MED12L: variants seen among roughly 807,000 people sequenced by gnomAD.
MED12L encodes the protein mediator complex subunit 12L.
In MED12L, 60 loss-of-function variants were observed where a neutral mutation model predicts 281.3. That is an observed-to-expected ratio of 0.21 (90% CI 0.17 to 0.26). The LOEUF is 0.26. MED12L is among the 10% of genes least tolerant of loss of function. The probability of loss-of-function intolerance (pLI) is 1.00; values close to 1 mark genes in which losing one functional copy is unlikely to be tolerated. For synonymous variants in MED12L, 974 were observed against 987.2 expected (o/e 0.99, Z 0.25); for missense variants, 2,146 against 2,680.9 (o/e 0.80, Z 4.41).
At chr3:151,209,493 A>G (rs765287266) in intron 16 of MED12L, among the ~76,000 whole-genome samples, 8 of 152,188 alleles carry the variant, frequency 5.3e-5, no homozygotes, top group African/African-American at 1.7e-4. Flanking sequence ...GGTAATCCAC[A>G]TGCCATTAGA....
chr3:151,176,953 C>T (rs1722123953), intron 11 of MED12L, among the ~76,000 whole-genome samples: 1 of 152,206 alleles, frequency 6.6e-6, no homozygotes, highest in Admixed American at 6.5e-5. Context: ...AACAGTCGAA[C>T]CTACTCTACA....
intron 5 of MED12L, among the ~76,000 whole-genome samples, chr3:151,150,102 A>G (rs999626137): frequency 1.3e-4 from 20 of 152,350 alleles, no homozygotes; most frequent in Admixed American, 9.8e-4. Flanking sequence ...CTAGAATGGT[A>G]AATCCTTTCC....
rs1419857080 is a variant in MED12L at position 151,435,153 on chromosome 3, T to C, written c.*2349T>C. The C allele has an allele frequency of 6.6e-6, 1 of 151,436 alleles. No individual in the cohort carries two copies. The highest frequency in any genetic ancestry group is 1.9e-4 in the East Asian group (1 of 5,134). 9.4% of individuals were successfully genotyped at this position (151,436 alleles called of 1,614,324 possible). Reference sequence around the variant, plus strand: ...AAAGCCCTGTGGCAGAACCTGGTACTTTACCTTACCAGAGGAAATTACCTT... The same window carrying C: ...AAAGCCCTGTGGCAGAACCTGGTACCTTACCTTACCAGAGGAAATTACCTT... On this transcript the variant is annotated 3_prime_UTR_variant, in exon 45 of 45. Coordinates refer to ENST00000687756, the MANE Select transcript of MED12L (RefSeq NM_001393769.1).
chr3:151,182,201 A>C (rs1181399543), intron 11 of MED12L, among the ~76,000 whole-genome samples: 1 of 152,152 alleles, frequency 6.6e-6, no homozygotes, highest in Non-Finnish European at 1.5e-5. Flanking sequence ...AGATGTTATA[A>C]CAGTGCTTCC....
chr3:151,304,449 C>T (rs1287254455), intron 16 of MED12L, among the ~76,000 whole-genome samples: 1 of 152,102 alleles, frequency 6.6e-6, no homozygotes, highest in Non-Finnish European at 1.5e-5. Flanking sequence ...CAGCGTGCAC[C>T]TGTGGTCCCA....
At chr3:151,270,480 T>C (rs76976310) in intron 16 of MED12L, among the ~76,000 whole-genome samples, 2,133 of 152,290 alleles carry the variant, frequency 0.014, 46 homozygotes, top group African/African-American at 0.05. Context: ...GGAATTTGCA[T>C]GGTGCTAAGC....
chr3:151,163,331 C>T (rs986013853), intron 8 of MED12L, among the ~76,000 whole-genome samples: 1 of 152,026 alleles, frequency 6.6e-6, no homozygotes, highest in Non-Finnish European at 1.5e-5. Context: ...ATTATTAAAA[C>T]AAAAATGAAG....
intron 16 of MED12L, chr3:151,269,771 T>A (rs1483325295): frequency 1.6e-5 from 7 of 424,424 alleles, no homozygotes; most frequent in African/African-American, 4.2e-5. Context: ...GGTGATCTAT[T>A]TTTAGAGTCC....
intron 2 of MED12L, among the ~76,000 whole-genome samples, chr3:151,115,486 T>A (rs373181211): frequency 3.3e-5 from 5 of 151,370 alleles, no homozygotes; most frequent in East Asian, 3.9e-4. Context: ...GTAGCTGGGA[T>A]CACAGGCACC....
At chr3:151,417,942 G>C (rs1717811036) in intron 43 of MED12L, among the ~76,000 whole-genome samples, 1 of 152,166 alleles carries the variant, frequency 6.6e-6, no homozygotes, top group African/African-American at 2.4e-5. Flanking sequence ...ATGTGTATTA[G>C]CAGGAACTGG....
chr3:151,110,853 G>A (rs1346134715), intron 2 of MED12L, among the ~76,000 whole-genome samples: 1 of 152,126 alleles, frequency 6.6e-6, no homozygotes, highest in Non-Finnish European at 1.5e-5. Context: ...TTTTCCTCTT[G>A]GGATCTGCTG....
At chr3:151,247,602 G>T (rs1355686929) in intron 16 of MED12L, among the ~76,000 whole-genome samples, 1 of 114,960 alleles carries the variant, frequency 8.7e-6, no homozygotes, top group African/African-American at 3.0e-5. Flanking sequence ...TCACACTCCG[G>T]GGACTGTTGT....
At chr3:151,206,617 TATGAA>T (rs1726398646) in intron 16 of MED12L, among the ~76,000 whole-genome samples, 1 of 151,188 alleles carries the variant, frequency 6.6e-6, no homozygotes, top group Admixed American at 6.6e-5. Flanking sequence ...GTCCATTTCT[TATGAA>T]CTTATGACTA....
At chr3:151,307,924 A>G (rs1304761727) in intron 16 of MED12L, among the ~76,000 whole-genome samples, 1 of 152,124 alleles carries the variant, frequency 6.6e-6, no homozygotes, top group Non-Finnish European at 1.5e-5. Context: ...TTCAGTAGGC[A>G]GCTGTTAAGT....
chr3:151,210,449 G>A (rs561716057), intron 16 of MED12L, among the ~76,000 whole-genome samples: 1 of 152,302 alleles, frequency 6.6e-6, no homozygotes, highest in African/African-American at 2.4e-5. Flanking sequence ...CACCTCAGTG[G>A]GTAGATGTCA....
At chr3:151,146,795 A>G (rs1717813459) in intron 5 of MED12L, among the ~76,000 whole-genome samples, 1 of 152,134 alleles carries the variant, frequency 6.6e-6, no homozygotes, top group South Asian at 2.1e-4. Context: ...ACTGTGTACC[A>G]ACAGCCCATC....
chr3:151,180,064 TA>T (rs1314191494), intron 11 of MED12L, among the ~76,000 whole-genome samples: 2 of 152,236 alleles, frequency 1.3e-5, no homozygotes, highest in Non-Finnish European at 2.9e-5. Context: ...ATTTATTGGT[TA>T]AATATAAGAT....
intron 43 of MED12L, among the ~76,000 whole-genome samples, chr3:151,418,875 G>A (rs2108407607): frequency 6.6e-6 from 1 of 151,790 alleles, no homozygotes; most frequent in South Asian, 2.1e-4. Context: ...TTTTAATTAT[G>A]GATACATAAT....
intron 11 of MED12L, among the ~76,000 whole-genome samples, chr3:151,172,605 A>G (rs1721573397): frequency 6.6e-6 from 1 of 152,188 alleles, no homozygotes; most frequent in African/African-American, 2.4e-5. Flanking sequence ...TCCACTCAGG[A>G]TGGGGTAGCT....
Sources: gnomAD v4.1 joint callset for allele counts (sites outside exome capture counted in the v4.1 genomes callset) on GRCh38, gnomAD v4.1.1 for gene constraint, MANE v1.5 for transcripts, NCBI Gene and HGNC (gene_info 2026-07-23, HGNC 2026-07-21) for gene names.